Variants in CCSER1 observed in about 807,000 individuals in gnomAD.
The protein encoded by CCSER1 is coiled-coil serine rich protein 1.
Under a neutral mutation model 82.0 loss-of-function variants are expected in CCSER1, and 41 were observed. That is an observed-to-expected ratio of 0.50 (90% confidence interval 0.39 to 0.65). CCSER1 has a LOEUF of 0.65. CCSER1 is among the 30% of genes least tolerant of loss of function. The probability of loss-of-function intolerance (pLI) is 0.00; values close to 1 mark genes in which losing one functional copy is unlikely to be tolerated. For missense variants in CCSER1, 1,119 were observed against 1,064.2 expected (o/e 1.05, Z -0.72); for synonymous variants, 414 against 383.9 (o/e 1.08, Z -0.92).
chr4:90,600,663 A>G (rs1433159808), intron 5 of CCSER1, among the ~76,000 whole-genome samples: 1 of 151,958 alleles, frequency 6.6e-6, no homozygotes, highest in Non-Finnish European at 1.5e-5. Flanking sequence ...TAGTCCTTCA[A>G]ATCTATGATT....
chr4:91,528,503 G>T (rs745685846), intron 10 of CCSER1, among the ~76,000 whole-genome samples: 4 of 151,996 alleles, frequency 2.6e-5, no homozygotes, highest in Non-Finnish European at 5.9e-5. Context: ...CAAAAACAGA[G>T]CAATGTTGCT....
At chr4:90,285,449 G>A (rs1729692363) in intron 1 of CCSER1, among the ~76,000 whole-genome samples, 1 of 151,964 alleles carries the variant, frequency 6.6e-6, no homozygotes, top group Admixed American at 6.6e-5. Flanking sequence ...ATTGTTCACT[G>A]TTGGTGAATA....
intron 5 of CCSER1, among the ~76,000 whole-genome samples, chr4:90,598,824 G>T (rs1360715605): frequency 6.6e-6 from 1 of 152,036 alleles, no homozygotes; most frequent in Non-Finnish European, 1.5e-5. Flanking sequence ...ATTAGAATGG[G>T]GAGATGAGCC....
chr4:90,568,678 A>G (rs190133072), intron 5 of CCSER1, among the ~76,000 whole-genome samples: 1 of 152,146 alleles, frequency 6.6e-6, no homozygotes, highest in Admixed American at 6.5e-5. Flanking sequence ...ATAGGTAAGT[A>G]CAAACTACCA....
At chr4:91,070,152 A>T (rs968269305) in intron 9 of CCSER1, among the ~76,000 whole-genome samples, 7 of 151,590 alleles carry the variant, frequency 4.6e-5, no homozygotes, top group Non-Finnish European at 8.8e-5. Flanking sequence ...ACCTGGCTAA[A>T]TTTTTTGTAT....
chr4:91,535,985 A>C (rs1326898795), intron 10 of CCSER1, among the ~76,000 whole-genome samples: 1 of 151,576 alleles, frequency 6.6e-6, no homozygotes, highest in Non-Finnish European at 1.5e-5. Context: ...CAATCCTCCC[A>C]CTCTTCCATA....
At chr4:90,387,647 A>G (rs1485597068) in intron 3 of CCSER1, among the ~76,000 whole-genome samples, 10 of 152,206 alleles carry the variant, frequency 6.6e-5, no homozygotes, top group Non-Finnish European at 1.0e-4. Flanking sequence ...CAATCAGTCA[A>G]TGATACCTGA....
At chr4:91,297,669 T>C (rs1744320532) in intron 10 of CCSER1, among the ~76,000 whole-genome samples, 1 of 151,904 alleles carries the variant, frequency 6.6e-6, no homozygotes, top group African/African-American at 2.4e-5. Flanking sequence ...TAAAATCACC[T>C]AGATGACAGC....
chr4:90,210,153 T>C (rs532384796), intron 1 of CCSER1, among the ~76,000 whole-genome samples: 8 of 152,324 alleles, frequency 5.3e-5, no homozygotes, highest in African/African-American at 1.9e-4. Flanking sequence ...AGGTCTTTTG[T>C]TAAAAAGAAG....
intron 5 of CCSER1, among the ~76,000 whole-genome samples, chr4:90,484,448 T>C (rs56933889): frequency 0.27 from 41,032 of 152,020 alleles, 8,302 homozygotes; most frequent in African/African-American, 0.56. Context: ...GAGAGGTGCT[T>C]TGATTTTTAG....
At chr4:90,544,278 TC>T (rs1279901444) in intron 5 of CCSER1, among the ~76,000 whole-genome samples, 24 of 152,192 alleles carry the variant, frequency 1.6e-4, no homozygotes, top group African/African-American at 5.5e-4. Flanking sequence ...AGTCCAGGTG[TC>T]CCCCAAACCA....
At chr4:90,690,401 T>A (rs1177531238) in intron 6 of CCSER1, among the ~76,000 whole-genome samples, 3 of 152,090 alleles carry the variant, frequency 2.0e-5, no homozygotes, top group Non-Finnish European at 4.4e-5. Context: ...AGAATTAATA[T>A]TTCACTCACC....
At chr4:90,148,424 G>C (rs1246031408) in intron 1 of CCSER1, among the ~76,000 whole-genome samples, 1 of 152,078 alleles carries the variant, frequency 6.6e-6, no homozygotes, top group Non-Finnish European at 1.5e-5. Flanking sequence ...TGCATTGTTA[G>C]TATACTTGGA....
intron 5 of CCSER1, among the ~76,000 whole-genome samples, chr4:90,584,892 AT>A (rs1238156682): frequency 1.3e-5 from 2 of 152,188 alleles, no homozygotes; most frequent in African/African-American, 2.4e-5. Context: ...ATTTTTTGAT[AT>A]TAAAAACTTT....
intron 1 of CCSER1, among the ~76,000 whole-genome samples, chr4:90,266,994 A>C (rs1004612765): frequency 6.6e-5 from 10 of 151,906 alleles, no homozygotes; most frequent in African/African-American, 9.7e-5. Context: ...TTGCATCTTA[A>C]GTAGCAGCTC....
intron 1 of CCSER1, among the ~76,000 whole-genome samples, chr4:90,267,367 A>G (rs1217523356): frequency 6.6e-6 from 1 of 152,154 alleles, no homozygotes; most frequent in Non-Finnish European, 1.5e-5. Flanking sequence ...TCTGACTATA[A>G]GCACTGGCTC....
chr4:91,496,656 G>C lies in CCSER1; in HGVS notation c.2218-101916G>C, dbSNP rs11419298. On this transcript the variant is annotated intron_variant, in intron 10 of 10. Transcript: ENST00000509176. ...AATATATATATATTCAATATATATT[G>C]AATATATATATATTCAATATATTTG... is the stretch of plus-strand genomic sequence containing the variant. Among the ~76,000 whole-genome samples, 12 of 17,994 alleles carry C rather than the reference G, an allele frequency of 6.7e-4. 4 individuals carry two copies. The highest frequency in any genetic ancestry group is 1.2e-3 in the Admixed American group (2 of 1,664). The allele number at this position is 17,994 out of a possible 152,430, so 11.8% of individuals were successfully genotyped here. A position where few individuals can be genotyped will look rare whatever the true frequency, so the allele number is the denominator to read the frequency against.
intron 6 of CCSER1, among the ~76,000 whole-genome samples, chr4:90,632,642 C>A (rs1016935473): frequency 1.3e-5 from 2 of 151,974 alleles, no homozygotes; most frequent in Non-Finnish European, 2.9e-5. Flanking sequence ...CTGTCTTTGG[C>A]CCAAGCATGT....
intron 10 of CCSER1, among the ~76,000 whole-genome samples, chr4:91,462,627 G>C (rs1341986979): frequency 6.6e-6 from 1 of 152,188 alleles, no homozygotes; most frequent in African/African-American, 2.4e-5. Flanking sequence ...AGCGGTGCCA[G>C]ACGGCACTTG....
Sources: allele counts gnomAD v4.1 joint callset (sites outside exome capture counted in the v4.1 genomes callset), GRCh38; gene constraint gnomAD v4.1.1; transcripts MANE v1.5; gene names NCBI Gene and HGNC (gene_info 2026-07-23, HGNC 2026-07-21).